MAST2: variants seen among roughly 807,000 people sequenced by gnomAD.
MAST2 encodes the protein microtubule associated serine/threonine kinase 2, also known as microtubule-associated serine/threonine-protein kinase 2.
A neutral mutation model predicts 147.4 loss-of-function variants in MAST2; 70 were observed. The ratio of observed to expected loss-of-function variants is 0.47; its 90% confidence interval spans 0.39 to 0.58. The LOEUF (loss-of-function observed/expected upper bound fraction) is 0.58, where lower values mean the gene tolerates loss of function less well. MAST2 is among the 20% of genes least tolerant of loss of function. The pLI is 0.00. For synonymous variants in MAST2, 869 were observed against 896.8 expected, an observed-to-expected ratio of 0.97 and a Z score of 0.55; for missense variants, 2,080 against 2,302.3, an observed-to-expected ratio of 0.90 and a Z score of 1.98.
At chr1:45,816,508 C>T (rs1644459924) in intron 1 of MAST2, among the ~76,000 whole-genome samples, 1 of 152,040 alleles carries the variant, frequency 6.6e-6, no homozygotes, top group African/African-American at 2.4e-5. Context: ...CAGAGAAATA[C>T]AGGATAACAC....
At chr1:45,954,972 A>G (rs1219696080) in intron 4 of MAST2, among the ~76,000 whole-genome samples, 3 of 147,910 alleles carry the variant, frequency 2.0e-5, no homozygotes, top group Non-Finnish European at 4.5e-5. Context: ...TACCTTTCAT[A>G]GGCCAGGTAT....
chr1:45,825,933 C>T (rs561298164), intron 2 of MAST2, among the ~76,000 whole-genome samples: 64 of 151,792 alleles, frequency 4.2e-4, no homozygotes, highest in Non-Finnish European at 7.4e-4. Flanking sequence ...AAAGATTAGC[C>T]GGGCATGGTG....
At chr1:45,955,349 C>G (rs182723504) in intron 4 of MAST2, among the ~76,000 whole-genome samples, 128 of 152,182 alleles carry the variant, frequency 8.4e-4, no homozygotes, top group African/African-American at 2.8e-3. Flanking sequence ...TTTATAATAT[C>G]TAATACAAAG....
intron 6 of MAST2, among the ~76,000 whole-genome samples, chr1:46,001,406 AACTCACAT>A (rs1263364750): frequency 1.3e-5 from 2 of 152,198 alleles, no homozygotes; most frequent in Non-Finnish European, 2.9e-5. Context: ...AGGGGAGGAA[AACTCACAT>A]GTACAAAAGT....
Position 46,030,228 on chromosome 1 carries a change from G to C in MAST2, c.2543G>C (p.Arg848Thr). 8 of 1,614,006 alleles carry C rather than the reference G, an allele frequency of 5.0e-6. No individual in the cohort carries two copies. Among genetic ancestry groups the C allele is most frequent in the Non-Finnish European group, 6.8e-6 (8 of 1,179,904 alleles). ...CGCCAGTTCTCTTCCTGCTCTCCAAGGTTCAACAAGGTGTGACTGAGGAGG... is the reference window on the plus strand; with the variant it reads ...CGCCAGTTCTCTTCCTGCTCTCCAACGTTCAACAAGGTGTGACTGAGGAGG... ...EIRQFSSCSP[R>T]FNKVYSSMER... is the part of the protein sequence containing the mutation. Residue 848 changes from arginine to threonine, a missense_variant, in exon 21 of 29, where the codon AGG becomes ACG. By Grantham distance (71) the Arg-to-Thr change is moderately conservative. This residue lies in a region of MAST2 where 1,278 missense variants were observed against 1,304.2 expected (regional missense o/e 0.98). Transcript: ENST00000361297.
intron 3 of MAST2, among the ~76,000 whole-genome samples, chr1:45,831,030 G>GAAA (rs11302327): frequency 3.4e-5 from 4 of 116,314 alleles, no homozygotes; most frequent in Admixed American, 1.8e-4. Flanking sequence ...ACCTTGTCTG[G>GAAA]AAAAAAAAAA....
chr1:45,834,654 G>C (rs1645051089), intron 3 of MAST2, among the ~76,000 whole-genome samples: 2 of 152,142 alleles, frequency 1.3e-5, no homozygotes, highest in Admixed American at 6.5e-5. Flanking sequence ...GTTGTTAAAA[G>C]TGGCATAGGA....
intron 5 of MAST2, among the ~76,000 whole-genome samples, chr1:45,972,098 T>C (rs1314044619): frequency 6.6e-6 from 1 of 152,154 alleles, no homozygotes; most frequent in African/African-American, 2.4e-5. Context: ...GCATGGAAGA[T>C]GACTAAGATC....
chr1:45,829,422 A>C lies in MAST2; in HGVS notation c.326-17A>C, dbSNP rs774758512. On this transcript the variant is annotated splice_polypyrimidine_tract_variant and intron_variant, in intron 2 of 28. Transcript: ENST00000361297. Reference sequence around the variant, plus strand: ...ATAAATAATTACATGTATATTTTCCAAACCTTGTATTTGAAGGTAAGCAGC... The same window carrying C: ...ATAAATAATTACATGTATATTTTCCCAACCTTGTATTTGAAGGTAAGCAGC... The C allele has an allele frequency of 1.1e-5, 18 of 1,602,206 alleles. No homozygotes were observed. Among genetic ancestry groups the C allele is most frequent in the Non-Finnish European group, 1.4e-5 (16 of 1,174,172 alleles).
chr1:45,957,372 T>C lies in MAST2; in HGVS notation c.501-2014T>C, dbSNP rs957636664. 2.0e-5 allele frequency among the ~76,000 whole-genome samples: 3 copies of C among 152,358 alleles called. No individual in the cohort carries two copies. In the East Asian group the frequency reaches 5.8e-4, roughly 29 times the overall value. Reference sequence around the variant, plus strand: ...TCACAAATAACAGCATATAAGTGGATCCTGCTATTTTATCCAGTCTGACAA... The same window carrying C: ...TCACAAATAACAGCATATAAGTGGACCCTGCTATTTTATCCAGTCTGACAA... On this transcript the variant is annotated intron_variant, in intron 4 of 28. Coordinates refer to ENST00000361297, the MANE Select transcript of MAST2 (RefSeq NM_015112.3).
Position 46,030,113 on chromosome 1 carries a change from T to C in MAST2, c.2444-16T>C, listed in dbSNP as rs1571282137. 6.2e-7 allele frequency: 1 copy of C among 1,613,594 alleles called. No individual in the cohort carries two copies. Among genetic ancestry groups the C allele is most frequent in the Non-Finnish European group, 8.5e-7 (1 of 1,179,470 alleles). ...AGCAGGGCTCTGAAGGAAAGTGTCC[T>C]TTATGTCTGGCCCAGCCCGCTCAGA... On this transcript the variant is annotated splice_polypyrimidine_tract_variant and intron_variant, in intron 20 of 28. Transcript: ENST00000361297.
At chr1:45,848,285 T>C (rs1335926790) in intron 3 of MAST2, among the ~76,000 whole-genome samples, 2 of 152,218 alleles carry the variant, frequency 1.3e-5, no homozygotes, top group Non-Finnish European at 2.9e-5. Flanking sequence ...GGTAAACAGT[T>C]TCCTACACTG....
chr1:45,824,229 A>G (rs1025391449), intron 1 of MAST2, among the ~76,000 whole-genome samples: 14 of 152,176 alleles, frequency 9.2e-5, no homozygotes, highest in African/African-American at 3.4e-4. Context: ...TTCCTTTGGC[A>G]TTTTAATAAT....
chr1:45,868,658 A>G (rs1017686498), intron 3 of MAST2, among the ~76,000 whole-genome samples: 1 of 152,272 alleles, frequency 6.6e-6, no homozygotes, highest in Admixed American at 6.5e-5. Flanking sequence ...AAGCATTATT[A>G]TTGAGAAAGC....
At chr1:45,849,530 CTTTT>C (rs71062718) in intron 3 of MAST2, among the ~76,000 whole-genome samples, 1 of 138,614 alleles carries the variant, frequency 7.2e-6, no homozygotes, top group Non-Finnish European at 1.6e-5. Context: ...CCCCTCTTTT[CTTTT>C]TTTTTTTTTT....
chr1:46,030,790 G>T (rs1437945850), intron 22 of MAST2, 29 bp downstream of exon 22: 4 of 1,544,636 alleles, frequency 2.6e-6, no homozygotes, highest in Non-Finnish European at 3.5e-6. Flanking sequence ...CCCAGGGTGG[G>T]CGACACAGCT....
intron 4 of MAST2, among the ~76,000 whole-genome samples, chr1:45,946,348 C>T (rs945940170): frequency 1.3e-5 from 2 of 152,098 alleles, no homozygotes; most frequent in Admixed American, 6.5e-5. Context: ...GGGATGGAGA[C>T]AAGTTGCCTG....
Position 45,927,311 on chromosome 1 carries a change from AC to A in MAST2, c.501-32073del, listed in dbSNP as rs1654534896. Among the ~76,000 whole-genome samples, 4 of 152,306 alleles carry A rather than the reference AC, an allele frequency of 2.6e-5. No individual in the cohort carries two copies. The South Asian group carries it at 6.2e-4, about 24-fold the overall frequency. The stretch of plus-strand genomic sequence containing the variant: ...ATCAGGAGATAGAGTTTTGAGATCA[AC>A]CGGTCTGACCACAATTTATTAGGCG... On this transcript the variant is annotated intron_variant, in intron 4 of 28. Coordinates refer to ENST00000361297, the MANE Select transcript of MAST2 (RefSeq NM_015112.3).
chr1:45,826,451 C>T (rs772672766), intron 2 of MAST2, among the ~76,000 whole-genome samples: 1 of 152,066 alleles, frequency 6.6e-6, no homozygotes, highest in Non-Finnish European at 1.5e-5. Context: ...CTTCTGGGCT[C>T]AAGTGATCCT....
Sources: gnomAD v4.1 joint callset for allele counts (sites outside exome capture counted in the v4.1 genomes callset) on GRCh38, gnomAD v4.1.1 for gene constraint, gnomAD v4.1.1 regional missense constraint, MANE v1.5 for transcripts, NCBI Gene and HGNC (gene_info 2026-07-23, HGNC 2026-07-21) for gene names.